POLM: variants seen among roughly 807,000 people sequenced by gnomAD.
POLM encodes DNA-directed DNA/RNA polymerase mu.
Under a neutral mutation model 56.7 loss-of-function variants are expected in POLM, and 52 were observed. That is an observed-to-expected ratio of 0.92 (90% CI 0.73 to 1.15). POLM has a LOEUF of 1.15. POLM is among the 50% of genes most tolerant of loss of function. POLM has a pLI of 0.00. For synonymous variants in POLM, 273 were observed against 274.3 expected (o/e 1.00, Z 0.05); for missense variants, 660 against 663.6 (o/e 0.99, Z 0.06).
At chr7:44,074,727 A>G (rs918679916) in intron 6 of POLM, among the ~76,000 whole-genome samples, 197 bp from the exon 7 acceptor site, 10 of 152,192 alleles carry the variant, frequency 6.6e-5, no homozygotes, top group African/African-American at 2.4e-4. Flanking sequence ...TCCCCCTTTA[A>G]ATTTTAAACT....
Position 44,080,487 on chromosome 7 carries a change from A to C in POLM, c.372+246T>G, listed in dbSNP as rs28382636. On this transcript the variant is annotated intron_variant, in intron 2 of 10. Coordinates refer to ENST00000242248, the MANE Select transcript of POLM (RefSeq NM_013284.4). The stretch of plus-strand genomic sequence containing the variant: ...GAAGAAAGGCCTGAAGAAGGTAAAA[A>C]TAAGCAGACCCCAGAATTTGCATCA... 5,972 of 681,360 alleles carry C rather than the reference A, an allele frequency of 8.8e-3. 267 individuals carry two copies. The African/African-American group carries it at 0.094, about 11-fold the overall frequency. The allele number at this position is 681,360 out of a possible 1,614,324, so 42.2% of individuals were successfully genotyped here. A position where few individuals can be genotyped will look rare whatever the true frequency, so the allele number is the denominator to read the frequency against.
At position 44,082,467 on chromosome 7, in the gene POLM, C is replaced by A; in HGVS notation, c.-29G>T. 7.6e-7 allele frequency: 1 copy of A among 1,308,420 alleles called. No individual in the cohort carries two copies. Among genetic ancestry groups the A allele is most frequent in the Non-Finnish European group, 9.7e-7 (1 of 1,025,830 alleles). The allele number at this position is 1,308,420 out of a possible 1,614,324, so 81.1% of individuals were successfully genotyped here. On this transcript the variant is annotated 5_prime_UTR_variant, in exon 1 of 11. Coordinates refer to ENST00000242248, the MANE Select transcript of POLM (RefSeq NM_013284.4). Reference sequence around the variant, plus strand: ...GACGACAGCCTCCAGCAGCGCGGAGCGAACGCAGAGGGAAACTCCGAGCGA... The same window carrying A: ...GACGACAGCCTCCAGCAGCGCGGAGAGAACGCAGAGGGAAACTCCGAGCGA...
In POLM at chr7:44,079,886, A is replaced by AG. The variant is rs2096194866; in HGVS notation, c.445dup (p.Leu149ProfsTer22). ...GGAGAGGCCAGTGTTGTGGTGTGTG[A>AG]GGGGCGTAGGGCGCTGGCAGGCATA... On this transcript the variant is annotated frameshift_variant, in exon 3 of 11. Coordinates refer to ENST00000242248, the MANE Select transcript of POLM (RefSeq NM_013284.4). LOFTEE classifies it high-confidence loss of function. 4 of 1,613,954 alleles carry AG rather than the reference A, an allele frequency of 2.5e-6. No individual in the cohort carries two copies. The African/African-American group carries it at 5.3e-5, about 22-fold the overall frequency.
chr7:44,078,210 TC>T (rs2096188998), intron 5 of POLM: 1 of 156,620 alleles, frequency 6.4e-6, no homozygotes, highest in African/African-American at 2.4e-5. Flanking sequence ...ATGCCTATAA[TC>T]CCAGCATTTT....
In POLM at chr7:44,081,270, A is replaced by G. The variant is rs181233259; in HGVS notation, c.189-354T>C. 2.0e-4 allele frequency among the ~76,000 whole-genome samples: 30 copies of G among 152,340 alleles called. No individual in the cohort carries two copies. The East Asian group carries it at 5.2e-3, about 26-fold the overall frequency. ...AGATGGAGGAGCCTGTTTGGGTCTG[A>G]ACCCCAGCTCTGCCTGCCACATACT... On this transcript the variant is annotated intron_variant, in intron 1 of 10. Transcript: ENST00000242248.
intron 6 of POLM, 134 bp from the exon 7 acceptor site, chr7:44,074,664 G>C: frequency 2.0e-6 from 2 of 977,600 alleles, no homozygotes; most frequent in Non-Finnish European, 2.9e-6. Flanking sequence ...GGAAGGTGAG[G>C]CTAGGGCAGG....
rs780126807 is a variant in POLM, at chr7:44,082,323, A to C, written c.116T>G (p.Met39Arg). 3 of 1,560,834 alleles carry C rather than the reference A, an allele frequency of 1.9e-6. No homozygotes were observed. The highest frequency in any genetic ancestry group is 2.6e-6 in the Non-Finnish European group (3 of 1,160,456). Residue 39 changes from methionine (M) to arginine (R), a missense_variant, in exon 1 of 11, where the codon ATG becomes AGG. Transcript: ENST00000242248. ...GAGGAAGGCCCGGCGGCTGCGACCC[A>C]TGCGAGGCTCGACCAGGTAGATGGC... Reference protein sequence around the residue: ...GVAIYLVEPRMGRSRRAFLTG... With the variant: ...GVAIYLVEPRRGRSRRAFLTG...
In POLM at chr7:44,073,825, G is replaced by A. The variant is rs758265582; in HGVS notation, c.1272C>T (p.Val424=). The A allele has an allele frequency of 8.7e-6, 14 of 1,614,262 alleles. No homozygotes were observed. Among genetic ancestry groups the A allele is most frequent in the Non-Finnish European group, 8.5e-7 (1 of 1,180,050 alleles). Residue 424 remains valine, a synonymous_variant, in exon 9 of 11, where the codon GTC becomes GTT. Coordinates refer to ENST00000242248, the MANE Select transcript of POLM (RefSeq NM_013284.4). Reference sequence around the variant, plus strand: ...CGAGCAGGGCGAAAGGGAACTGGCTGACGGGTGCAACTACCAAGTCCACTC... The same window carrying A: ...CGAGCAGGGCGAAAGGGAACTGGCTAACGGGTGCAACTACCAAGTCCACTC... ...AVRVDLVVAP[V]SQFPFALLGW... is the part of the protein sequence containing the mutation.
At chr7:44,075,458 A>C (rs1251835044) in intron 6 of POLM, among the ~76,000 whole-genome samples, 2 of 151,982 alleles carry the variant, frequency 1.3e-5, no homozygotes, top group Non-Finnish European at 2.9e-5. Flanking sequence ...GAGGCGATCA[A>C]GAGGAACCAG....
chr7:44,077,301 C>T (rs1416689567), intron 5 of POLM, among the ~76,000 whole-genome samples: 10 of 152,240 alleles, frequency 6.6e-5, no homozygotes, highest in Admixed American at 6.5e-4. Context: ...GGCGAAGCCA[C>T]CGTGCAGAGG....
intron 6 of POLM, among the ~76,000 whole-genome samples, chr7:44,075,555 C>T (rs1455653436): frequency 6.6e-6 from 1 of 152,188 alleles, no homozygotes; most frequent in Admixed American, 6.5e-5. Flanking sequence ...GCAGTGCCTG[C>T]TGGGCTGTGG....
intron 1 of POLM, 41 bp from the exon 2 acceptor site, chr7:44,080,957 C>A (rs2096198209): frequency 6.6e-7 from 1 of 1,510,052 alleles, no homozygotes; most frequent in Non-Finnish European, 8.9e-7. Context: ...GGGTGAGGCC[C>A]AGAGCCCGTC....
intron 6 of POLM, 167 bp downstream of exon 6, chr7:44,076,342 T>G (rs2096183284): frequency 1.3e-6 from 1 of 740,798 alleles, no homozygotes; most frequent in Non-Finnish European, 2.2e-6. Context: ...AGAAAAGGCT[T>G]TGATAGATCC....
In POLM at chr7:44,080,793, C is replaced by A; in HGVS notation, c.312G>T (p.Trp104Cys). The change falls in exon 2 of 11, where the codon TGG becomes TGT. Residue 104 changes from tryptophan (W) to cysteine (C), a missense_variant. Trp to Cys is a radical substitution (Grantham distance 215, BLOSUM62 -2). Coordinates refer to ENST00000242248, the MANE Select transcript of POLM (RefSeq NM_013284.4). ...GCCCAGCTCCCAGGCTCTCTGTTAA[C>A]CAGCTTATGTCCAGCAGAGCTGGGG... ...CTPPALLDIS[W>C]LTESLGAGQP... 1 of 1,614,072 alleles carries A rather than the reference C, an allele frequency of 6.2e-7. No individual in the cohort carries two copies.
chr7:44,078,363 G>C (rs899339030), intron 5 of POLM: 1 of 212,500 alleles, frequency 4.7e-6, no homozygotes, highest in African/African-American at 2.3e-5. Flanking sequence ...CTACTCCAGA[G>C]ACTGAGGTGG....
In POLM at chr7:44,082,367, C is replaced by T. The variant is rs2096202758; in HGVS notation, c.72G>A (p.Ser24=). The T allele has an allele frequency of 1.3e-6, 2 of 1,543,012 alleles. No homozygotes were observed. The highest frequency in any genetic ancestry group is 1.4e-5 in the African/African-American group (1 of 70,008). ...AGATGGCGACTCCCGGGAAGCGCGT[C>T]GAGGGCGGCGTGGAGGAAGCGGCAT... The part of the protein sequence containing the change: ...SGDAASSTPP[S]TRFPGVAIYL... The change falls in exon 1 of 11, where the codon TCG becomes TCA. Residue 24 remains serine (S), a synonymous_variant. Coordinates refer to ENST00000242248, the MANE Select transcript of POLM (RefSeq NM_013284.4).
intron 5 of POLM, 125 bp from the exon 6 acceptor site, chr7:44,076,754 A>C (rs1586018207): frequency 4.1e-6 from 5 of 1,224,432 alleles, no homozygotes; most frequent in Non-Finnish European, 1.1e-6. Flanking sequence ...CCCACTCGCA[A>C]CCTGCCGTAG....
chr7:44,078,909 G>A, intron 4 of POLM, 98 bp from the exon 5 acceptor site: 1 of 935,410 alleles, frequency 1.1e-6, no homozygotes, highest in Non-Finnish European at 1.6e-6. Context: ...AAGGACTGAG[G>A]CAGTCCCCTC....
rs749207015 is a variant in POLM, at chr7:44,080,907, C to G, written c.198G>C (p.Ala66=). The change falls in exon 2 of 11, where the codon GCG becomes GCC. Residue 66 remains alanine, a synonymous_variant. Transcript: ENST00000242248. ...AGGTCTCTTCCATCACAACATGTGT[C>G]GCTTCGGAGCTGGTGGAGGGAGTTG... The part of the protein sequence containing the change: ...FRVLDACSSE[A]THVVMEETSA... 2.6e-6 allele frequency: 4 copies of G among 1,564,638 alleles called. No individual in the cohort carries two copies. Among genetic ancestry groups the G allele is most frequent in the Non-Finnish European group, 3.5e-6 (4 of 1,156,010 alleles).
Sources: allele counts gnomAD v4.1 joint callset (sites outside exome capture counted in the v4.1 genomes callset), GRCh38; gene constraint gnomAD v4.1.1; transcripts MANE v1.5; gene names NCBI Gene and HGNC (gene_info 2026-07-23, HGNC 2026-07-21).